The following NPAS3 variants were observed in gnomAD, a reference collection of about 807,000 sequenced individuals.
NPAS3 encodes the protein neuronal PAS domain protein 3.
In NPAS3, 14 loss-of-function variants were observed where a neutral mutation model predicts 73.1. The observed-to-expected ratio is 0.19, with a 90% CI of 0.13 to 0.30. The LOEUF (loss-of-function observed/expected upper bound fraction) is 0.30, where lower values mean the gene tolerates loss of function less well. NPAS3 is among the 10% of genes least tolerant of loss of function. The pLI is 1.00. For missense variants in NPAS3, 1,096 were observed against 1,250.0 expected (o/e 0.88, Z 1.86); for synonymous variants, 620 against 541.5 (o/e 1.14, Z -2.01).
At chr14:33,554,686 T>A (rs1040852878) in intron 4 of NPAS3, among the ~76,000 whole-genome samples, 2 of 152,190 alleles carry the variant, frequency 1.3e-5, no homozygotes, top group African/African-American at 2.4e-5. Flanking sequence ...GAACTACTAA[T>A]TTCAGAGTGC....
chr14:33,272,390 C>A (rs1005857816), intron 3 of NPAS3, among the ~76,000 whole-genome samples: 3 of 151,980 alleles, frequency 2.0e-5, no homozygotes, highest in African/African-American at 7.3e-5. Context: ...CTTAGAAGGG[C>A]CAGATGAGAA....
intron 2 of NPAS3, among the ~76,000 whole-genome samples, chr14:33,086,845 G>T (rs1223605643): frequency 6.6e-6 from 1 of 152,040 alleles, no homozygotes; most frequent in African/African-American, 2.4e-5. Context: ...TGGAGAGGAG[G>T]TTTGTCACTT....
At chr14:33,256,069 A>G (rs567052533) in intron 3 of NPAS3, among the ~76,000 whole-genome samples, 1 of 152,334 alleles carries the variant, frequency 6.6e-6, no homozygotes, top group East Asian at 1.9e-4. Context: ...CCAATAGATT[A>G]CCATGGTCAC....
intron 1 of NPAS3, among the ~76,000 whole-genome samples, chr14:33,034,074 T>A (rs1019124779): frequency 6.6e-6 from 1 of 152,196 alleles, no homozygotes; most frequent in Non-Finnish European, 1.5e-5. Context: ...TTTTTATGTT[T>A]ACTTAATGGA....
intron 5 of NPAS3, among the ~76,000 whole-genome samples, chr14:33,667,080 AAAT>A (rs1436095021): frequency 6.6e-6 from 1 of 152,220 alleles, no homozygotes; most frequent in African/African-American, 2.4e-5. Flanking sequence ...CACATATCTA[AAAT>A]ATTATTTTAA....
At chr14:33,097,960 C>T (rs888054157) in intron 2 of NPAS3, among the ~76,000 whole-genome samples, 2 of 151,976 alleles carry the variant, frequency 1.3e-5, no homozygotes, top group African/African-American at 4.8e-5. Context: ...TTTTCCATTT[C>T]ACTCATTTAA....
chr14:33,690,290 A>C (rs2060199878), intron 6 of NPAS3, among the ~76,000 whole-genome samples: 3 of 152,134 alleles, frequency 2.0e-5, no homozygotes, highest in Admixed American at 2.0e-4. Context: ...TGAGAACTAA[A>C]ATGAGTGTAG....
At chr14:33,770,622 A>C (rs2062619030) in intron 7 of NPAS3, among the ~76,000 whole-genome samples, 1 of 152,176 alleles carries the variant, frequency 6.6e-6, no homozygotes, top group African/African-American at 2.4e-5. Context: ...TTATTCAGAA[A>C]AAAAGAACTG....
intron 1 of NPAS3, among the ~76,000 whole-genome samples, chr14:32,945,989 T>C (rs559206120): frequency 6.6e-6 from 1 of 152,148 alleles, no homozygotes; most frequent in Admixed American, 6.5e-5. Context: ...GTGCCACAAG[T>C]TTCTCTAAAG....
intron 5 of NPAS3, among the ~76,000 whole-genome samples, chr14:33,619,179 C>T (rs8008036): frequency 2.0e-5 from 3 of 151,990 alleles, no homozygotes; most frequent in Non-Finnish European, 2.9e-5. Flanking sequence ...AGCTTCATAT[C>T]TCATACAAAA....
upstream of NPAS3, among the ~76,000 whole-genome samples, chr14:32,936,390 G>T (rs1369910024): frequency 6.6e-6 from 1 of 151,676 alleles, no homozygotes; most frequent in East Asian, 1.9e-4. Context: ...AATTATTTTA[G>T]TCTTGTTTTA....
intron 2 of NPAS3, among the ~76,000 whole-genome samples, chr14:33,206,000 A>G (rs554702386): frequency 1.3e-5 from 2 of 152,346 alleles, no homozygotes; most frequent in African/African-American, 4.8e-5. Context: ...AATTAACAGC[A>G]AATCTATCTA....
At chr14:33,218,887 C>G (rs1368850841) in intron 3 of NPAS3, among the ~76,000 whole-genome samples, 2 of 152,070 alleles carry the variant, frequency 1.3e-5, no homozygotes, top group Non-Finnish European at 2.9e-5. Context: ...TTTTGTGATT[C>G]CCATTGTATA....
intron 4 of NPAS3, among the ~76,000 whole-genome samples, chr14:33,488,753 C>T (rs1482400255): frequency 3.3e-5 from 5 of 152,240 alleles, no homozygotes; most frequent in Middle Eastern, 3.4e-3. Flanking sequence ...GTCTCGCTGG[C>T]ACAGTTCTGG....
At chr14:33,619,809 T>C (rs1012062160) in intron 5 of NPAS3, among the ~76,000 whole-genome samples, 2 of 152,348 alleles carry the variant, frequency 1.3e-5, no homozygotes, top group East Asian at 1.9e-4. Flanking sequence ...GACGAAGATA[T>C]CCATTTATCT....
At chr14:33,072,824 G>T (rs1471397693) in intron 2 of NPAS3, among the ~76,000 whole-genome samples, 1 of 152,042 alleles carries the variant, frequency 6.6e-6, no homozygotes, top group Non-Finnish European at 1.5e-5. Flanking sequence ...TTAACATCTA[G>T]TCTCTCTTTC....
chr14:33,072,170 C>T (rs896154804), intron 2 of NPAS3, among the ~76,000 whole-genome samples: 7 of 152,140 alleles, frequency 4.6e-5, no homozygotes, highest in Non-Finnish European at 7.3e-5. Flanking sequence ...GGATTACAGG[C>T]GTGAGCCACT....
chr14:33,581,036 C>T (rs2056644701), intron 5 of NPAS3, among the ~76,000 whole-genome samples: 1 of 152,178 alleles, frequency 6.6e-6, no homozygotes, highest in Non-Finnish European at 1.5e-5. Flanking sequence ...ATAAACATGA[C>T]ACTGGGATAT....
upstream of NPAS3, among the ~76,000 whole-genome samples, chr14:32,938,485 T>TAGACAGAGAGAGAGAGAGAGAG (rs1491191135): frequency 2.8e-4 from 6 of 21,748 alleles, no homozygotes; most frequent in African/African-American, 8.0e-4. Context: ...GAGAGAGAAA[T>TAGACAGAGAGAGAGAGAGAGAG]TGAGAGAGAG....
Sources: gnomAD v4.1 joint callset for allele counts (sites outside exome capture counted in the v4.1 genomes callset) on GRCh38, gnomAD v4.1.1 for gene constraint, MANE v1.5 for transcripts, NCBI Gene and HGNC (gene_info 2026-07-23, HGNC 2026-07-21) for gene names.